SF3A2: variants seen among roughly 807,000 people sequenced by gnomAD.
The protein encoded by SF3A2 is splicing factor 3a subunit 2, also known as SAP 62.
A neutral mutation model predicts 31.1 loss-of-function variants in SF3A2; 5 were observed. The ratio of observed to expected loss-of-function variants is 0.16; its 90% CI spans 0.08 to 0.34. SF3A2 has a LOEUF of 0.34. Ranked by LOEUF, SF3A2 falls within the 10% of genes least tolerant of loss-of-function variation. The pLI is 1.00. For missense variants in SF3A2, 577 were observed against 643.9 expected (o/e 0.90, Z 1.13); for synonymous variants, 365 against 263.7 (o/e 1.38, Z -3.72).
intron 2 of SF3A2, among the ~76,000 whole-genome samples, chr19:2,243,906 G>T (rs903387429): frequency 6.6e-6 from 1 of 152,206 alleles, no homozygotes; most frequent in Non-Finnish European, 1.5e-5. Context: ...CCTCAGCACC[G>T]TGGACATCGG....
At position 2,248,351 on chromosome 19, in the gene SF3A2, G is replaced by A; in HGVS notation, c.1200G>A (p.Met400Ile). 7.3e-7 allele frequency: 1 copy of A among 1,360,720 alleles called. No individual in the cohort carries two copies. The highest frequency in any genetic ancestry group is 3.6e-5 in the Admixed American group (1 of 27,648). The allele number at this position is 1,360,720 out of a possible 1,614,324, so 84.3% of individuals were successfully genotyped here. A position where few individuals can be genotyped will look rare whatever the true frequency, so the allele number is the denominator to read the frequency against. ...GGGTGCACCCACCAGCCCCAGGGAT[G>A]CACCCTCAGGCCCCGGGGGTCCACC... ...APGVHPPAPG[M>I]HPQAPGVHPQ... is the part of the protein sequence containing the mutation. Residue 400 changes from methionine to isoleucine, a missense_variant, in exon 9 of 9, where the codon ATG becomes ATA. Met to Ile is a conservative substitution (Grantham distance 10). Coordinates refer to ENST00000221494, the MANE Select transcript of SF3A2 (RefSeq NM_007165.5).
At chr19:2,241,030 G>A (rs1299970620) in intron 1 of SF3A2, among the ~76,000 whole-genome samples, 1 of 152,224 alleles carries the variant, frequency 6.6e-6, no homozygotes, top group Non-Finnish European at 1.5e-5. Flanking sequence ...GCTGTGGAGA[G>A]TGCAGGCTTG....
At chr19:2,247,516 A>G in intron 7 of SF3A2, 78 bp from the exon 8 acceptor site, 1 of 1,447,896 alleles carries the variant, frequency 6.9e-7, no homozygotes, top group Non-Finnish European at 9.7e-7. Flanking sequence ...TGGGGAGGCT[A>G]GTGCCTCGGG....
At chr19:2,240,761 A>G (rs758949869) in intron 1 of SF3A2, among the ~76,000 whole-genome samples, 1 of 152,214 alleles carries the variant, frequency 6.6e-6, no homozygotes, top group Admixed American at 6.5e-5. Flanking sequence ...CCATCGTGTC[A>G]TTAGAACGTT....
At chr19:2,237,409 CA>C (rs57302783) in intron 1 of SF3A2, 9,697 of 107,060 alleles carry the variant, frequency 0.091, 458 homozygotes, top group East Asian at 0.18. Flanking sequence ...CCCATCACTG[CA>C]AAAAAAAAAA....
rs777703878 is a variant in SF3A2 at position 2,243,556 on chromosome 19, A to G, written c.126+12A>G. The G allele has an allele frequency of 1.9e-6, 3 of 1,538,856 alleles. No homozygotes were observed. Among genetic ancestry groups the G allele is most frequent in the East Asian group, 2.6e-5 (1 of 38,146 alleles). ...TCGACATCAACAAGGTGGGCCAGCCACCGTGCAGCTGCCTGTGGTGGGTGC... is the reference window on the plus strand; with the variant it reads ...TCGACATCAACAAGGTGGGCCAGCCGCCGTGCAGCTGCCTGTGGTGGGTGC... On this transcript the variant is annotated intron_variant, in intron 2 of 8. Coordinates refer to ENST00000221494, the MANE Select transcript of SF3A2 (RefSeq NM_007165.5).
intron 2 of SF3A2, 133 bp from the exon 3 acceptor site, chr19:2,244,411 A>G: frequency 2.9e-6 from 2 of 697,656 alleles, no homozygotes; most frequent in Non-Finnish European, 5.0e-6. Flanking sequence ...GACCACTGTC[A>G]GCGGTAGCCA....
At chr19:2,238,879 C>T (rs2024864272) in intron 1 of SF3A2, among the ~76,000 whole-genome samples, 2 of 152,212 alleles carry the variant, frequency 1.3e-5, no homozygotes, top group Non-Finnish European at 2.9e-5. Flanking sequence ...TGTCCTTGCT[C>T]CCCTGTGCTG....
intron 1 of SF3A2, among the ~76,000 whole-genome samples, chr19:2,242,652 G>GGGC (rs1304120837): frequency 2.0e-5 from 3 of 152,196 alleles, no homozygotes; most frequent in African/African-American, 7.2e-5. Context: ...CCTTAAACCA[G>GGGC]GGCCCGGGGC....
rs777309822 is a variant in SF3A2, at chr19:2,247,805, G to T, written c.654G>T (p.Pro218=). The T allele has an allele frequency of 1.2e-6, 2 of 1,609,850 alleles. No individual in the cohort carries two copies. ...LQFHFKMEKP[P]APPSLPAGPP... ...TCCACTTTAAGATGGAGAAGCCCCC[G>T]GCTCCACCCAGCCTCCCTGCTGGCC... Residue 218 remains proline (P), a synonymous_variant, in exon 9 of 9, where the codon CCG becomes CCT. Transcript: ENST00000221494.
chr19:2,246,569 C>G lies in SF3A2; in HGVS notation c.356-184C>G, dbSNP rs576748158. Among the ~76,000 whole-genome samples the G allele has an allele frequency of 7.9e-4, 120 of 152,230 alleles. No individual in the cohort carries two copies. The highest frequency in any genetic ancestry group is 1.2e-3 in the Non-Finnish European group (84 of 67,998). On this transcript the variant is annotated intron_variant, in intron 5 of 8. Transcript: ENST00000221494. The surrounding 1 kb of genome is among the most constrained non-coding windows in gnomAD (Gnocchi z 5.5). Reference sequence around the variant, plus strand: ...GACTCCGCAGGTAGCTCAGCTCTGGCGCACCTGTGCCTTCACCTATACCAG... The same window carrying G: ...GACTCCGCAGGTAGCTCAGCTCTGGGGCACCTGTGCCTTCACCTATACCAG...
Position 2,246,767 on chromosome 19 carries a change from G to A in SF3A2, c.370G>A (p.Asp124Asn). The change falls in exon 6 of 9, where the codon GAC becomes AAC. Residue 124 changes from aspartate to asparagine, a missense_variant. Asp to Asn is a conservative substitution (Grantham distance 23). Around this residue, in one of 6 missense-constraint regions of SF3A2, gnomAD observed 21 missense variants for 38.6 expected, o/e 0.54. Transcript: ENST00000221494. The surrounding 1 kb of genome is among the most constrained non-coding windows in gnomAD (Gnocchi z 5.5). ...RPGYKVTKQR[D>N]SEMGQQSLLF... is the part of the protein sequence containing the mutation. The stretch of plus-strand genomic sequence containing the variant: ...CTGTGTTGCAGTGACCAAGCAGAGA[G>A]ACTCGGAGATGGGCCAGCAGAGCCT... The A allele has an allele frequency of 6.2e-7, 1 of 1,613,952 alleles. No homozygotes were observed. Among genetic ancestry groups the A allele is most frequent in the Non-Finnish European group, 8.5e-7 (1 of 1,179,976 alleles).
At chr19:2,241,838 C>T (rs1599651728) in intron 1 of SF3A2, among the ~76,000 whole-genome samples, 1 of 152,128 alleles carries the variant, frequency 6.6e-6, no homozygotes, top group Admixed American at 6.5e-5. Flanking sequence ...TCGAAGTTTA[C>T]GTGACAACAT....
chr19:2,247,293 C>T, intron 7 of SF3A2: 2 of 548,208 alleles, frequency 3.6e-6, no homozygotes, highest in Non-Finnish European at 6.4e-6. Flanking sequence ...ACCTCACTTC[C>T]TGGGCCAGGC....
intron 1 of SF3A2, among the ~76,000 whole-genome samples, chr19:2,242,274 G>C (rs1162736944): frequency 6.6e-6 from 1 of 152,266 alleles, no homozygotes; most frequent in Non-Finnish European, 1.5e-5. Context: ...TGACACGGCT[G>C]TATCAGCTTC....
intron 7 of SF3A2, among the ~76,000 whole-genome samples, 157 bp from the exon 8 acceptor site, chr19:2,247,437 A>G (rs548894900): frequency 2.0e-5 from 3 of 152,274 alleles, no homozygotes; most frequent in Admixed American, 6.5e-5. Flanking sequence ...GTTTCACTCC[A>G]GAACTGAACC....
chr19:2,248,317 A>G lies in SF3A2; in HGVS notation c.1166A>G (p.Gln389Arg). ...CCAGCAGCCCCCGCCGTTCACCCTC[A>G]GGCCCCAGGGGTGCACCCACCAGCC... ...VHPAAPAVHP[Q>R]APGVHPPAPG... The change falls in exon 9 of 9, where the codon CAG becomes CGG. Residue 389 changes from glutamine to arginine, a missense_variant. Coordinates refer to ENST00000221494, the MANE Select transcript of SF3A2 (RefSeq NM_007165.5). The G allele has an allele frequency of 8.3e-7, 1 of 1,204,608 alleles. No homozygotes were observed. The highest frequency in any genetic ancestry group is 1.0e-6 in the Non-Finnish European group (1 of 973,546). The allele number at this position is 1,204,608 out of a possible 1,614,324, so 74.6% of individuals were successfully genotyped here.
At chr19:2,237,113 C>CT (rs200182324) in intron 1 of SF3A2, among the ~76,000 whole-genome samples, 1,689 of 152,084 alleles carry the variant, frequency 0.011, 16 homozygotes, top group Non-Finnish European at 0.014. Flanking sequence ...GCCAGGAACT[C>CT]TATTTCCAAA....
chr19:2,248,153 T>TGGAGTCCACCCTCCCGCCCCC lies in SF3A2; in HGVS notation c.1016_1017insCGCCCCCGGAGTCCACCCTCC (p.Ala361_Pro367dup). On this transcript the variant is annotated inframe_insertion, in exon 9 of 9. Transcript: ENST00000221494. ...CCTCTGGGGTCCACCCCCCAGCTCC[T>TGGAGTCCACCCTCCCGCCCCC]GGAGTCCACCCTCCAGCCCCCGGGG... The TGGAGTCCACCCTCCCGCCCCC allele has an allele frequency of 1.5e-6, 2 of 1,335,316 alleles. No homozygotes were observed. The highest frequency in any genetic ancestry group is 2.0e-6 in the Non-Finnish European group (2 of 980,006). 82.7% of individuals were successfully genotyped at this position (1,335,316 alleles called of 1,614,324 possible). A position where few individuals can be genotyped will look rare whatever the true frequency, so the allele number is the denominator to read the frequency against.
Sources: allele counts gnomAD v4.1 joint callset (sites outside exome capture counted in the v4.1 genomes callset), GRCh38; gene constraint gnomAD v4.1.1; regional missense constraint gnomAD v4.1.1; non-coding constraint Gnocchi (gnomAD v3.1); transcripts MANE v1.5; gene names NCBI Gene and HGNC (gene_info 2026-07-23, HGNC 2026-07-21).